The following NFKB1 variants were observed in gnomAD, a reference collection of about 807,000 sequenced individuals.
NFKB1 encodes the protein nuclear factor kappa B subunit 1.
In NFKB1, 9 loss-of-function variants were observed where a neutral mutation model predicts 105.1. That is an observed-to-expected ratio of 0.09 (90% confidence interval 0.05 to 0.15). NFKB1 has a LOEUF of 0.15. NFKB1 is among the 10% of genes least tolerant of loss of function. The pLI is 1.00. For synonymous variants in NFKB1, 440 were observed against 442.2 expected (o/e 1.00, Z 0.06); for missense variants, 830 against 1,203.7 (o/e 0.69, Z 4.59).
At chr4:102,556,636 G>A (rs906436212) in intron 5 of NFKB1, among the ~76,000 whole-genome samples, 6 of 152,068 alleles carry the variant, frequency 3.9e-5, no homozygotes, top group Admixed American at 6.6e-5. Flanking sequence ...TTGATGGATC[G>A]GGGGATTACT....
chr4:102,607,178 G>A lies in NFKB1; in HGVS notation c.1983G>A (p.Met661Ile). The part of the protein sequence containing the change: ...DGLNAIHLAM[M>I]SNSLPCLLLL... Reference sequence around the variant, plus strand: ...TGAATGCCATTCATCTAGCCATGATGAGCAATAGCCTGCCATGTTTGCTGC... The same window carrying A: ...TGAATGCCATTCATCTAGCCATGATAAGCAATAGCCTGCCATGTTTGCTGC... Residue 661 changes from methionine to isoleucine, a missense_variant, in exon 18 of 24, where the codon ATG becomes ATA. Met to Ile is a conservative substitution (Grantham distance 10). Transcript: ENST00000226574. 6.2e-7 allele frequency: 1 copy of A among 1,614,112 alleles called. No homozygotes were observed. Among genetic ancestry groups the A allele is most frequent in the Non-Finnish European group, 8.5e-7 (1 of 1,180,026 alleles).
chr4:102,539,912 A>G (rs534577873), intron 5 of NFKB1, among the ~76,000 whole-genome samples: 29 of 152,282 alleles, frequency 1.9e-4, no homozygotes, highest in Admixed American at 3.9e-4. Flanking sequence ...GGTGAATGAT[A>G]ACTCTTGAAA....
chr4:102,565,222 C>T (rs1056929612), intron 5 of NFKB1, among the ~76,000 whole-genome samples: 1 of 151,866 alleles, frequency 6.6e-6, no homozygotes, highest in Non-Finnish European at 1.5e-5. Flanking sequence ...ATTAGCAACC[C>T]TCTTCGTGAT....
intron 1 of NFKB1, among the ~76,000 whole-genome samples, chr4:102,509,815 A>G (rs1296983400): frequency 6.6e-6 from 1 of 152,112 alleles, no homozygotes; most frequent in African/African-American, 2.4e-5. Flanking sequence ...TCCTCGTTGA[A>G]TTTCTAGATT....
chr4:102,532,224 T>G (rs1201650264), intron 3 of NFKB1, among the ~76,000 whole-genome samples: 2 of 152,154 alleles, frequency 1.3e-5, no homozygotes, highest in Admixed American at 1.3e-4. Context: ...GCATTCATTT[T>G]TCAACTCGCT....
chr4:102,524,703 G>A (rs529485068), intron 1 of NFKB1, among the ~76,000 whole-genome samples: 5 of 152,224 alleles, frequency 3.3e-5, no homozygotes, highest in South Asian at 2.1e-4. Context: ...TGGGAGTGAC[G>A]GGAGACAGTG....
chr4:102,530,568 C>T (rs1741220385), intron 3 of NFKB1, among the ~76,000 whole-genome samples: 2 of 152,168 alleles, frequency 1.3e-5, no homozygotes, highest in African/African-American at 4.8e-5. Flanking sequence ...CTCACTTCAC[C>T]CGTCACCAGT....
chr4:102,511,700 G>T (rs920158200), intron 1 of NFKB1, among the ~76,000 whole-genome samples: 1 of 152,072 alleles, frequency 6.6e-6, no homozygotes, highest in Admixed American at 6.5e-5. Flanking sequence ...AATAGAAAGA[G>T]AAACTTTATT....
chr4:102,550,466 C>T (rs2149142474), intron 5 of NFKB1, among the ~76,000 whole-genome samples: 1 of 152,254 alleles, frequency 6.6e-6, no homozygotes, highest in Admixed American at 6.5e-5. Flanking sequence ...TCCAATCCAA[C>T]ACTGCAGGCT....
At chr4:102,581,720 A>G (rs1235036065) in intron 9 of NFKB1, among the ~76,000 whole-genome samples, 1 of 152,188 alleles carries the variant, frequency 6.6e-6, no homozygotes, top group Admixed American at 6.5e-5. Context: ...CACTCTGTCC[A>G]AGTAATACTC....
Position 102,600,860 on chromosome 4 carries a change from T to G in NFKB1, c.1638-35T>G, listed in dbSNP as rs199595986. ...GGAATCTTTTCTTTTTCATTAACAT[T>G]TTAGTTAATTATTGCCACTGTGTTT... is the stretch of plus-strand genomic sequence containing the variant. On this transcript the variant is annotated intron_variant, in intron 15 of 23. Coordinates refer to ENST00000226574, the MANE Select transcript of NFKB1 (RefSeq NM_003998.4). 547 of 1,168,836 alleles carry G rather than the reference T, an allele frequency of 4.7e-4. No homozygotes were observed. The highest frequency in any genetic ancestry group is 1.4e-4 in the Non-Finnish European group (108 of 777,838). The allele number at this position is 1,168,836 out of a possible 1,614,324, so 72.4% of individuals were successfully genotyped here. A position where few individuals can be genotyped will look rare whatever the true frequency, so the allele number is the denominator to read the frequency against.
chr4:102,547,252 C>T (rs1000708071), intron 5 of NFKB1, among the ~76,000 whole-genome samples: 4 of 151,934 alleles, frequency 2.6e-5, no homozygotes, highest in African/African-American at 7.3e-5. Flanking sequence ...ATTAAATGTG[C>T]GACACTGAAA....
At chr4:102,608,806 A>G (rs9790601) in intron 19 of NFKB1, among the ~76,000 whole-genome samples, 44,475 of 151,886 alleles carry the variant, frequency 0.29, 7,101 homozygotes, top group East Asian at 0.41. Context: ...CTCTGATTGC[A>G]GTGGGTATTA....
chr4:102,589,713 T>C (rs1263388630), intron 11 of NFKB1, among the ~76,000 whole-genome samples: 1 of 151,444 alleles, frequency 6.6e-6, no homozygotes, highest in Non-Finnish European at 1.5e-5. Context: ...GAATCAGAAA[T>C]AGAATAATTG....
At chr4:102,504,255 G>A (rs1739280592) in intron 1 of NFKB1, among the ~76,000 whole-genome samples, 1 of 152,146 alleles carries the variant, frequency 6.6e-6, no homozygotes, top group African/African-American at 2.4e-5. Flanking sequence ...TCTGAGTATA[G>A]AATTGACTGC....
chr4:102,554,827 C>T (rs766625720), intron 5 of NFKB1, among the ~76,000 whole-genome samples: 24 of 152,258 alleles, frequency 1.6e-4, no homozygotes, highest in Admixed American at 4.6e-4. Flanking sequence ...TGATTGTTTG[C>T]CTCCTTGGCC....
chr4:102,529,792 T>C (rs1741163137), intron 2 of NFKB1, 44 bp from the exon 3 acceptor site: 4 of 1,418,592 alleles, frequency 2.8e-6, no homozygotes, highest in South Asian at 1.2e-5. Flanking sequence ...TCATATAATA[T>C]AGGAAAAATA....
intron 3 of NFKB1, 129 bp downstream of exon 3, chr4:102,530,043 C>G (rs535226286): frequency 1.5e-6 from 1 of 651,502 alleles, no homozygotes; most frequent in African/African-American, 1.9e-5. Flanking sequence ...GTTTTAAAAA[C>G]CAATCTTTTA....
At position 102,501,742 on chromosome 4, in the gene NFKB1, G is replaced by T. The variant is rs967694050; in HGVS notation, c.-54G>T. ...CCGGCAGGCCCGCGCCGCTTAGGAG[G>T]GAGAGCCCACCCGCGCCAGGAGGCC... On this transcript the variant is annotated 5_prime_UTR_variant, in exon 1 of 24. Transcript: ENST00000226574. 9 of 152,232 alleles carry T rather than the reference G, an allele frequency of 5.9e-5. No homozygotes were observed. The highest frequency in any genetic ancestry group is 1.9e-4 in the African/African-American group (8 of 41,452). 9.4% of individuals were successfully genotyped at this position (152,232 alleles called of 1,614,324 possible). A position where few individuals can be genotyped will look rare whatever the true frequency, so the allele number is the denominator to read the frequency against.
Sources: gnomAD v4.1 joint callset for allele counts (sites outside exome capture counted in the v4.1 genomes callset) on GRCh38, gnomAD v4.1.1 for gene constraint, MANE v1.5 for transcripts, NCBI Gene and HGNC (gene_info 2026-07-23, HGNC 2026-07-21) for gene names.